TMEM91: variants seen among roughly 807,000 people sequenced by gnomAD.
The protein encoded by TMEM91 is transmembrane protein 91.
TMEM91 carries 6 observed loss-of-function variants against 13.3 expected under a neutral mutation model. The observed-to-expected ratio is 0.45, with a 90% CI of 0.25 to 0.89. TMEM91 has a LOEUF of 0.89. TMEM91 is among the 40% of genes least tolerant of loss of function. The pLI, the probability that TMEM91 is intolerant of heterozygous loss-of-function variation, is 0.19. For missense variants in TMEM91, 193 were observed against 228.7 expected (o/e 0.84, Z 1.01); for synonymous variants, 87 against 101.7 (o/e 0.86, Z 0.87).
intron 1 of TMEM91, chr19:41,377,293 G>A (rs1529717): frequency 0.24 from 36,971 of 152,710 alleles, 5,709 homozygotes; most frequent in Non-Finnish European, 0.35. Flanking sequence ...TGGGGAGTAG[G>A]GTTGTGCACG....
rs770570170 is a variant in TMEM91 at position 41,383,865 on chromosome 19, C to A, written c.511C>A (p.Pro171Thr). Residue 171 changes from proline to threonine, a missense_variant, in exon 4 of 4, where the codon CCG becomes ACG. Physicochemically the swap from Pro to Thr is conservative, Grantham distance 38 (BLOSUM62 -1). Coordinates refer to ENST00000392002, the MANE Select transcript of TMEM91 (RefSeq NM_001098821.2). ...TLAAYLASRD[P>T]P is the part of the protein sequence containing the mutation. ...GGCTGCCTACCTTGCCTCCCGAGAC[C>A]CGCCCTAGTTGCCCCTACAGCCCTC... The A allele has an allele frequency of 6.2e-7, 1 of 1,608,232 alleles. No homozygotes were observed. Among genetic ancestry groups the A allele is most frequent in the Non-Finnish European group, 8.5e-7 (1 of 1,177,356 alleles).
intron 1 of TMEM91, among the ~76,000 whole-genome samples, chr19:41,365,244 A>T (rs1192013867): frequency 6.6e-6 from 1 of 151,762 alleles, no homozygotes; most frequent in Non-Finnish European, 1.5e-5. Flanking sequence ...CATAACTGTA[A>T]TCCCAGCCCT....
At chr19:41,372,394 C>T (rs2123170300), upstream of TMEM91, among the ~76,000 whole-genome samples, 1 of 152,078 alleles carries the variant, frequency 6.6e-6, no homozygotes, top group Non-Finnish European at 1.5e-5. Context: ...GTTGCCCAGG[C>T]TGGCCTGGAA....
At chr19:41,383,595 T>A (rs751506070) in intron 3 of TMEM91, 120 bp from the exon 4 acceptor site, 1 of 1,614,130 alleles carries the variant, frequency 6.2e-7, no homozygotes, top group Non-Finnish European at 8.5e-7. Context: ...AGGTGCTACG[T>A]ATCTGCTTTT....
At chr19:41,371,907 C>T (rs1013635581), upstream of TMEM91, among the ~76,000 whole-genome samples, 4 of 151,912 alleles carry the variant, frequency 2.6e-5, no homozygotes, top group African/African-American at 9.7e-5. Flanking sequence ...TGGAGTCTTG[C>T]TCTGTCACTC....
At chr19:41,381,434 C>G (rs1469222732) in intron 2 of TMEM91, among the ~76,000 whole-genome samples, 3 of 149,268 alleles carry the variant, frequency 2.0e-5, no homozygotes, top group African/African-American at 7.4e-5. Flanking sequence ...AATCTCGGCT[C>G]ACTGCAAGCT....
chr19:41,366,124 C>T (rs568337725), intron 1 of TMEM91, among the ~76,000 whole-genome samples: 103 of 140,862 alleles, frequency 7.3e-4, no homozygotes, highest in Non-Finnish European at 1.2e-3. Flanking sequence ...CTGCACCTGG[C>T]AGAGGTTTCA....
rs2038951076 is a variant in TMEM91, at chr19:41,383,777, C to T, written c.423C>T (p.Phe141=). ...CAGGGGCCGCCTCCCGCCGTGCCTT[C>T]CTGCTGGGGGTCCTCGCCGTCGGGC... ...QGAGAASRRA[F]LLGVLAVGLG... The change falls in exon 4 of 4, where the codon TTC becomes TTT. Residue 141 remains phenylalanine, a synonymous_variant. Coordinates refer to ENST00000392002, the MANE Select transcript of TMEM91 (RefSeq NM_001098821.2). 1.1e-5 allele frequency: 17 copies of T among 1,610,280 alleles called. No individual in the cohort carries two copies. Among genetic ancestry groups the T allele is most frequent in the Non-Finnish European group, 1.3e-5 (15 of 1,177,798 alleles).
At chr19:41,374,285 C>T (rs2038670494), upstream of TMEM91, 2 of 152,118 alleles carry the variant, frequency 1.3e-5, no homozygotes, top group South Asian at 2.1e-4. Flanking sequence ...TCTGGTGAGA[C>T]GGAGGGCTTC....
upstream of TMEM91, chr19:41,374,517 T>C (rs1390592914): frequency 6.6e-6 from 1 of 152,172 alleles, no homozygotes; most frequent in Admixed American, 6.6e-5. Flanking sequence ...TAAACCAAAA[T>C]AGGTTCAGAG....
intron 2 of TMEM91, among the ~76,000 whole-genome samples, chr19:41,379,858 T>C (rs528850287): frequency 2.0e-4 from 31 of 151,592 alleles, no homozygotes; most frequent in African/African-American, 6.8e-4. Flanking sequence ...CTGGGCACTT[T>C]TCTCTCTCTT....
At position 41,378,266 on chromosome 19, in the gene TMEM91, T is replaced by TC. The variant is rs1400217980; in HGVS notation, c.-29-10dup. On this transcript the variant is annotated splice_polypyrimidine_tract_variant and intron_variant, in intron 1 of 3. Transcript: ENST00000392002. ...AGACTTTTACAACTTGTCTTTTTCT[T>TC]CCCCCTACCCCTAGGAAACCCCTCC... The TC allele has an allele frequency of 6.3e-7, 1 of 1,576,420 alleles. No individual in the cohort carries two copies. Among genetic ancestry groups the TC allele is most frequent in the African/African-American group, 1.4e-5 (1 of 73,490 alleles).
upstream of TMEM91, among the ~76,000 whole-genome samples, chr19:41,372,568 T>A (rs893522622): frequency 6.6e-6 from 1 of 152,180 alleles, no homozygotes; most frequent in Non-Finnish European, 1.5e-5. Context: ...TTTTGAAGGT[T>A]ATAGGCGACC....
In TMEM91 at chr19:41,383,333, C is replaced by T. The variant is rs191975108; in HGVS notation, c.361-382C>T. 21 of 456,092 alleles carry T rather than the reference C, an allele frequency of 4.6e-5. No individual in the cohort carries two copies. In the East Asian group the frequency reaches 7.7e-4, roughly 17 times the overall value. The allele number at this position is 456,092 out of a possible 1,614,324, so 28.3% of individuals were successfully genotyped here. A position where few individuals can be genotyped will look rare whatever the true frequency, so the allele number is the denominator to read the frequency against. On this transcript the variant is annotated intron_variant, in intron 3 of 3. Coordinates refer to ENST00000392002, the MANE Select transcript of TMEM91 (RefSeq NM_001098821.2). ...CCTCCCAAAGTGCTGGGATTACAGG[C>T]GTGAGCCACGGTGCCCAGCTCTCTG... is the stretch of plus-strand genomic sequence containing the variant.
In TMEM91 at chr19:41,378,823, T is replaced by TGA. The variant is rs1160229560; in HGVS notation, c.210+333_210+334dup. On this transcript the variant is annotated intron_variant, in intron 2 of 3. Coordinates refer to ENST00000392002, the MANE Select transcript of TMEM91 (RefSeq NM_001098821.2). Reference sequence around the variant, plus strand: ...CTGTCTCCCTCTTTGTGTGTGTGTGTGAGAGAGAGAGAGAGAGAGAGAGAG... The same window carrying TGA: ...CTGTCTCCCTCTTTGTGTGTGTGTGTGAGAGAGAGAGAGAGAGAGAGAGAGAG... 9.2e-3 allele frequency among the ~76,000 whole-genome samples: 409 copies of TGA among 44,630 alleles called. 4 individuals are homozygous for TGA. Among genetic ancestry groups the TGA allele is most frequent in the South Asian group, 0.048 (59 of 1,220 alleles). 29.3% of individuals were successfully genotyped at this position (44,630 alleles called of 152,430 possible). A position where few individuals can be genotyped will look rare whatever the true frequency, so the allele number is the denominator to read the frequency against.
chr19:41,374,508 A>G (rs189757404), upstream of TMEM91: 4 of 152,310 alleles, frequency 2.6e-5, no homozygotes, highest in African/African-American at 9.6e-5. Context: ...GGCAGCACCT[A>G]AACCAAAATA....
chr19:41,383,336 G>A (rs1038418565), intron 3 of TMEM91: 3 of 471,964 alleles, frequency 6.4e-6, no homozygotes, highest in Non-Finnish European at 1.0e-5. Flanking sequence ...TTACAGGCGT[G>A]AGCCACGGTG....
chr19:41,372,847 T>C (rs2038645865), upstream of TMEM91, among the ~76,000 whole-genome samples: 1 of 152,210 alleles, frequency 6.6e-6, no homozygotes, highest in Non-Finnish European at 1.5e-5. Flanking sequence ...ATAAATATCC[T>C]GTTCTTTATC....
At position 41,383,521 on chromosome 19, in the gene TMEM91, A is replaced by AT. The variant is rs566925777; in HGVS notation, c.361-192dup. On this transcript the variant is annotated intron_variant, in intron 3 of 3. Transcript: ENST00000392002. Reference sequence around the variant, plus strand: ...TTATTTTTTAAAATTTATTATTATTATTATTTTTTACCATTTTAATGTTTT... The same window carrying AT: ...TTATTTTTTAAAATTTATTATTATTATTTATTTTTTACCATTTTAATGTTTT... 1.3e-3 allele frequency: 1,861 copies of AT among 1,454,922 alleles called. 4 individuals carry two copies. Among genetic ancestry groups the AT allele is most frequent in the African/African-American group, 1.8e-3 (117 of 66,522 alleles). 90.1% of individuals were successfully genotyped at this position (1,454,922 alleles called of 1,614,324 possible). A position where few individuals can be genotyped will look rare whatever the true frequency, so the allele number is the denominator to read the frequency against.
Sources: gnomAD v4.1 joint callset for allele counts (sites outside exome capture counted in the v4.1 genomes callset) on GRCh38, gnomAD v4.1.1 for gene constraint, MANE v1.5 for transcripts, NCBI Gene and HGNC (gene_info 2026-07-23, HGNC 2026-07-21) for gene names.